The following RBM19 variants were observed in gnomAD, a reference collection of about 807,000 sequenced individuals.
RBM19 encodes the protein RNA binding motif protein 19.
A neutral mutation model predicts 116.8 loss-of-function variants in RBM19; 94 were observed. That is an observed-to-expected ratio of 0.80 (90% confidence interval 0.68 to 0.95). The LOEUF (loss-of-function observed/expected upper bound fraction) is 0.95. Among genes scored for constraint, RBM19 ranks in the 40% least tolerant of loss-of-function variants. RBM19 has a pLI of 0.00. For missense variants in RBM19, 1,161 were observed against 1,220.7 expected (o/e 0.95, Z 0.73); for synonymous variants, 475 against 494.1 (o/e 0.96, Z 0.51).
At chr12:113,934,501 A>G (rs11066824) in intron 16 of RBM19, among the ~76,000 whole-genome samples, 24,218 of 151,992 alleles carry the variant, frequency 0.16, 2,558 homozygotes, top group African/African-American at 0.3. Context: ...TCTTGGGTTC[A>G]CTCACACACA....
intron 21 of RBM19, among the ~76,000 whole-genome samples, chr12:113,869,703 G>A (rs917229340): frequency 3.3e-5 from 5 of 152,004 alleles, no homozygotes; most frequent in Non-Finnish European, 5.9e-5. Flanking sequence ...AAAGAGGAAG[G>A]ACAAAAATTA....
chr12:113,924,080 C>T (rs1436131586), intron 18 of RBM19, among the ~76,000 whole-genome samples: 1 of 152,198 alleles, frequency 6.6e-6, no homozygotes, highest in Non-Finnish European at 1.5e-5. Context: ...AAGGACGTAT[C>T]CCCTGCAGGA....
chr12:113,920,729 C>T (rs752695046), intron 18 of RBM19, 39 bp from the exon 19 acceptor site: 18 of 1,584,392 alleles, frequency 1.1e-5, no homozygotes, highest in East Asian at 6.7e-5. Flanking sequence ...GTCGGTGAAG[C>T]GGAAGCACAA....
intron 16 of RBM19, among the ~76,000 whole-genome samples, chr12:113,933,668 G>C (rs1469488414): frequency 2.6e-5 from 4 of 152,208 alleles, no homozygotes; most frequent in Non-Finnish European, 5.9e-5. Context: ...GGACCCGCGG[G>C]CAGGGGGTGG....
intron 23 of RBM19, among the ~76,000 whole-genome samples, chr12:113,836,362 T>A (rs1875887624): frequency 6.6e-6 from 1 of 152,176 alleles, no homozygotes; most frequent in Non-Finnish European, 1.5e-5. Context: ...TCAGGCCAAC[T>A]TTTACAATGA....
chr12:113,845,387 C>A (rs1022638075), intron 22 of RBM19, among the ~76,000 whole-genome samples: 1 of 152,130 alleles, frequency 6.6e-6, no homozygotes, highest in African/African-American at 2.4e-5. Flanking sequence ...AGGCTGTTCC[C>A]GCTTACTCTT....
chr12:113,936,811 A>G (rs1015905588), intron 16 of RBM19, 196 bp downstream of exon 16: 1 of 626,458 alleles, frequency 1.6e-6, no homozygotes, highest in Non-Finnish European at 2.6e-6. Context: ...AACTAAAAGC[A>G]TATTGCATCC....
intron 21 of RBM19, among the ~76,000 whole-genome samples, chr12:113,862,901 C>T (rs1043263459): frequency 2.0e-5 from 3 of 152,210 alleles, no homozygotes; most frequent in African/African-American, 7.2e-5. Context: ...TCACACCTCA[C>T]TTTTCCAATT....
intron 21 of RBM19, among the ~76,000 whole-genome samples, chr12:113,909,194 C>T (rs117770598): frequency 0.013 from 1,982 of 152,262 alleles, 13 homozygotes; most frequent in South Asian, 0.022. Context: ...CTGATTATAG[C>T]TCACTGCAAA....
At chr12:113,912,908 G>A (rs1325741227) in intron 21 of RBM19, among the ~76,000 whole-genome samples, 2 of 152,124 alleles carry the variant, frequency 1.3e-5, no homozygotes, top group Non-Finnish European at 2.9e-5. Flanking sequence ...CTGCAACGAG[G>A]AACTGCCTTA....
At chr12:113,907,088 G>A (rs1882100557) in intron 21 of RBM19, among the ~76,000 whole-genome samples, 2 of 152,100 alleles carry the variant, frequency 1.3e-5, no homozygotes, top group Admixed American at 1.3e-4. Flanking sequence ...ACCTTGAACT[G>A]GGACTTCTGG....
chr12:113,947,230 C>T, intron 11 of RBM19, 104 bp downstream of exon 11: 1 of 1,388,798 alleles, frequency 7.2e-7, no homozygotes, highest in Non-Finnish European at 9.6e-7. Context: ...CTTAGGCCCA[C>T]AAAGTGGACG....
chr12:113,960,318 C>T, intron 2 of RBM19, 140 bp from the exon 3 acceptor site: 1 of 1,088,848 alleles, frequency 9.2e-7, no homozygotes, highest in South Asian at 1.5e-5. Flanking sequence ...ACACGTCACC[C>T]CTTAGCCTGG....
intron 2 of RBM19, among the ~76,000 whole-genome samples, chr12:113,961,501 T>A (rs1049089774): frequency 2.6e-5 from 4 of 152,212 alleles, no homozygotes; most frequent in African/African-American, 9.6e-5. Flanking sequence ...ACAAATCCTA[T>A]CCTATGGCCT....
At chr12:113,886,104 C>G (rs1346705963) in intron 21 of RBM19, among the ~76,000 whole-genome samples, 1 of 152,048 alleles carries the variant, frequency 6.6e-6, no homozygotes. Context: ...ATCTCTTGAC[C>G]TTGTGGTCCG....
intron 22 of RBM19, among the ~76,000 whole-genome samples, chr12:113,845,683 C>T (rs1006769031): frequency 2.0e-5 from 3 of 152,104 alleles, no homozygotes; most frequent in Non-Finnish European, 2.9e-5. Context: ...TTCATAGGAA[C>T]GGAATCATAC....
Position 113,825,231 on chromosome 12 carries a change from G to A in RBM19, c.2786-1910C>T, listed in dbSNP as rs761802372. Among the ~76,000 whole-genome samples, 15 of 152,300 alleles carry A rather than the reference G, an allele frequency of 9.8e-5. No homozygotes were observed. Among genetic ancestry groups the A allele is most frequent in the Non-Finnish European group, 1.5e-4 (10 of 68,020 alleles). ...CGGCAGAGCCTGCCCCATGGTGAGC[G>A]TGCAGAAGGTGCGGGAGGTGCCCAC... On this transcript the variant is annotated intron_variant, in intron 23 of 23. Transcript: ENST00000261741. The surrounding 1 kb of genome is among the most constrained non-coding windows in gnomAD (Gnocchi z 5.7).
intron 20 of RBM19, among the ~76,000 whole-genome samples, chr12:113,918,005 T>C (rs1012756075): frequency 1.3e-5 from 2 of 152,218 alleles, no homozygotes; most frequent in Non-Finnish European, 2.9e-5. Flanking sequence ...TAAAGCTGAA[T>C]GTCTAGGTTT....
intron 22 of RBM19, among the ~76,000 whole-genome samples, chr12:113,850,230 CG>C (rs1165444680): frequency 6.6e-6 from 1 of 152,176 alleles, no homozygotes; most frequent in African/African-American, 2.4e-5. Context: ...TTGCCTTGAC[CG>C]GGGGACAGGT....
Sources: allele counts gnomAD v4.1 joint callset (sites outside exome capture counted in the v4.1 genomes callset), GRCh38; gene constraint gnomAD v4.1.1; non-coding constraint Gnocchi (gnomAD v3.1); transcripts MANE v1.5; gene names NCBI Gene and HGNC (gene_info 2026-07-23, HGNC 2026-07-21).